PTPRD: variants seen among roughly 807,000 people sequenced by gnomAD.
The protein encoded by PTPRD is protein tyrosine phosphatase receptor type D, also known as receptor-type tyrosine-protein phosphatase delta.
PTPRD carries 34 observed loss-of-function variants against 214.5 expected under a neutral mutation model. That is an observed-to-expected ratio of 0.16 (90% CI 0.12 to 0.21). The LOEUF is 0.21. PTPRD is among the 10% of genes least tolerant of loss of function. PTPRD has a pLI of 1.00. For missense variants in PTPRD, 2,545 were observed against 2,398.7 expected, an observed-to-expected ratio of 1.06 and a Z score of -1.27; for synonymous variants, 1,128 against 845.7, an observed-to-expected ratio of 1.33 and a Z score of -5.79.
At chr9:9,925,115 T>G (rs1438838562) in intron 5 of PTPRD, among the ~76,000 whole-genome samples, 2 of 152,134 alleles carry the variant, frequency 1.3e-5, no homozygotes, top group African/African-American at 2.4e-5. Context: ...ATTCAACTAT[T>G]ATAGTAGGTT....
intron 3 of PTPRD, among the ~76,000 whole-genome samples, chr9:10,066,932 T>C (rs952337535): frequency 7.9e-5 from 12 of 151,568 alleles, no homozygotes; most frequent in African/African-American, 2.7e-4. Context: ...GTCTAAACTG[T>C]TGCTTTGATG....
intron 12 of PTPRD, among the ~76,000 whole-genome samples, chr9:8,729,871 T>C (rs1466435270): frequency 6.6e-6 from 1 of 152,206 alleles, no homozygotes; most frequent in Non-Finnish European, 1.5e-5. Context: ...TATGCTCTAA[T>C]GTCAAAGAAA....
At chr9:10,076,594 G>A (rs1358183371) in intron 3 of PTPRD, among the ~76,000 whole-genome samples, 1 of 152,018 alleles carries the variant, frequency 6.6e-6, no homozygotes, top group African/African-American at 2.4e-5. Flanking sequence ...CATGGCCCCT[G>A]AGCAGGTCTG....
At chr9:10,423,609 T>G (rs528002428) in intron 2 of PTPRD, among the ~76,000 whole-genome samples, 48 of 152,032 alleles carry the variant, frequency 3.2e-4, no homozygotes, top group Non-Finnish European at 5.4e-4. Context: ...CAAATTATAA[T>G]GGCAGAATGA....
At chr9:8,971,603 G>T (rs1041310220) in intron 11 of PTPRD, among the ~76,000 whole-genome samples, 1 of 151,702 alleles carries the variant, frequency 6.6e-6, no homozygotes, top group African/African-American at 2.4e-5. Flanking sequence ...TACATGTTTA[G>T]ATTCTAGTGG....
intron 11 of PTPRD, among the ~76,000 whole-genome samples, chr9:8,924,143 A>G (rs1275066935): frequency 6.6e-6 from 1 of 152,016 alleles, no homozygotes; most frequent in Admixed American, 6.6e-5. Flanking sequence ...TCCAGCACTC[A>G]CTCATCACAC....
At chr9:9,076,066 G>A (rs1385080438) in intron 10 of PTPRD, among the ~76,000 whole-genome samples, 2 of 152,082 alleles carry the variant, frequency 1.3e-5, no homozygotes, top group African/African-American at 2.4e-5. Context: ...ATCCTCTCCA[G>A]CACCTGTTGT....
At chr9:10,470,575 T>C (rs992159429) in intron 2 of PTPRD, among the ~76,000 whole-genome samples, 1 of 151,978 alleles carries the variant, frequency 6.6e-6, no homozygotes, top group African/African-American at 2.4e-5. Context: ...GAAAAAGAAG[T>C]GGTAATAAAT....
At chr9:9,102,620 C>T (rs895946782) in intron 10 of PTPRD, among the ~76,000 whole-genome samples, 2 of 152,188 alleles carry the variant, frequency 1.3e-5, no homozygotes, top group Non-Finnish European at 2.9e-5. Flanking sequence ...TGGCTGATTA[C>T]GTAGATAATT....
chr9:8,926,757 A>C (rs986961399), intron 11 of PTPRD, among the ~76,000 whole-genome samples: 1 of 152,210 alleles, frequency 6.6e-6, no homozygotes, highest in Non-Finnish European at 1.5e-5. Context: ...CAGGCTGTGC[A>C]CTTACTGAGT....
intron 6 of PTPRD, among the ~76,000 whole-genome samples, chr9:9,749,011 A>T (rs576232621): frequency 1.4e-5 from 2 of 140,110 alleles, no homozygotes; most frequent in East Asian, 3.9e-4. Context: ...CAATACCTGC[A>T]GGATGTGGAG....
At chr9:8,629,419 C>A (rs945928311) in intron 14 of PTPRD, among the ~76,000 whole-genome samples, 2 of 151,828 alleles carry the variant, frequency 1.3e-5, no homozygotes, top group Non-Finnish European at 2.9e-5. Context: ...CTGCTGATAT[C>A]TTTAGTCAGG....
intron 2 of PTPRD, among the ~76,000 whole-genome samples, chr9:10,554,604 T>C (rs1369363643): frequency 6.6e-6 from 1 of 152,200 alleles, no homozygotes; most frequent in Non-Finnish European, 1.5e-5. Flanking sequence ...GCTATTAACA[T>C]TTTTATACAT....
chr9:10,352,491 G>T (rs1413858927), intron 2 of PTPRD, among the ~76,000 whole-genome samples: 1 of 151,980 alleles, frequency 6.6e-6, no homozygotes, highest in South Asian at 2.1e-4. Flanking sequence ...CATCACCTTT[G>T]CAGACAGAGC....
At chr9:9,310,258 A>G (rs183401287) in intron 9 of PTPRD, among the ~76,000 whole-genome samples, 1 of 152,248 alleles carries the variant, frequency 6.6e-6, no homozygotes, top group Non-Finnish European at 1.5e-5. Context: ...GCATATTAGC[A>G]TGTGCCATAG....
At chr9:9,165,341 G>A (rs1369950884) in intron 10 of PTPRD, among the ~76,000 whole-genome samples, 2 of 152,180 alleles carry the variant, frequency 1.3e-5, no homozygotes, top group Non-Finnish European at 2.9e-5. Flanking sequence ...AGAAGGAAGA[G>A]TTTTTATGTA....
chr9:9,939,357 T>TA (rs1448224377), intron 4 of PTPRD, among the ~76,000 whole-genome samples: 1 of 152,180 alleles, frequency 6.6e-6, no homozygotes, highest in East Asian at 1.9e-4. Flanking sequence ...TAAGGAACTC[T>TA]AAAAATGCAA....
intron 9 of PTPRD, among the ~76,000 whole-genome samples, chr9:9,261,814 A>C (rs938466057): frequency 6.6e-6 from 1 of 151,782 alleles, no homozygotes; most frequent in African/African-American, 2.4e-5. Flanking sequence ...ATTTCACTAA[A>C]TTTCATTATC....
chr9:8,900,589 T>C (rs1263731437), intron 11 of PTPRD, among the ~76,000 whole-genome samples: 1 of 152,228 alleles, frequency 6.6e-6, no homozygotes, highest in African/African-American at 2.4e-5. Context: ...CTCCACCAAT[T>C]TTCCTTTTGG....
Sources: allele counts gnomAD v4.1 joint callset (sites outside exome capture counted in the v4.1 genomes callset), GRCh38; gene constraint gnomAD v4.1.1; transcripts MANE v1.5; gene names NCBI Gene and HGNC (gene_info 2026-07-23, HGNC 2026-07-21).